The following KLHL32 variants were observed in gnomAD, a reference collection of about 807,000 sequenced individuals.
KLHL32 encodes kelch-like protein 32.
A neutral mutation model predicts 64.8 loss-of-function variants in KLHL32; 35 were observed. The observed-to-expected ratio is 0.54, with a 90% confidence interval of 0.41 to 0.72. The LOEUF (loss-of-function observed/expected upper bound fraction) is 0.72, where lower values mean the gene tolerates loss of function less well. Among genes scored for constraint, KLHL32 ranks in the 30% least tolerant of loss-of-function variants. The pLI is 0.00. For synonymous variants in KLHL32, 259 were observed against 281.0 expected, an observed-to-expected ratio of 0.92 and a Z score of 0.78; for missense variants, 589 against 768.5, an observed-to-expected ratio of 0.77 and a Z score of 2.76.
chr6:97,005,867 AT>A (rs1455721050), intron 3 of KLHL32, among the ~76,000 whole-genome samples: 1 of 151,368 alleles, frequency 6.6e-6, no homozygotes, highest in Non-Finnish European at 1.5e-5. Context: ...TCAGTTTTTT[AT>A]TTTTTTTAAT....
chr6:96,964,294 G>A (rs1774192082), intron 1 of KLHL32, among the ~76,000 whole-genome samples: 1 of 152,198 alleles, frequency 6.6e-6, no homozygotes, highest in Non-Finnish European at 1.5e-5. Flanking sequence ...GAGAAGAAGT[G>A]TCTGCCTGGA....
chr6:96,926,256 T>C (rs1300780955), intron 1 of KLHL32, among the ~76,000 whole-genome samples: 1 of 152,220 alleles, frequency 6.6e-6, no homozygotes, highest in African/African-American at 2.4e-5. Context: ...CCCAAGGAAA[T>C]AAGTCAAATT....
At chr6:97,002,188 G>A (rs1010716635) in intron 3 of KLHL32, among the ~76,000 whole-genome samples, 4 of 152,122 alleles carry the variant, frequency 2.6e-5, no homozygotes, top group Admixed American at 2.6e-4. Context: ...CAATGTTCCT[G>A]CTCAAAGACA....
chr6:97,018,470 G>GT (rs1781536297), intron 3 of KLHL32, among the ~76,000 whole-genome samples: 2 of 151,112 alleles, frequency 1.3e-5, no homozygotes, highest in African/African-American at 4.9e-5. Flanking sequence ...GCGCACTCCT[G>GT]TGATCCCAGC....
chr6:97,067,597 G>A (rs1471644543), intron 5 of KLHL32, among the ~76,000 whole-genome samples: 2 of 152,176 alleles, frequency 1.3e-5, no homozygotes, highest in East Asian at 3.9e-4. Flanking sequence ...TATATTGAGG[G>A]CCTATCCATG....
At chr6:97,026,769 ATTAGT>A (rs1164521465) in intron 3 of KLHL32, among the ~76,000 whole-genome samples, 1 of 152,244 alleles carries the variant, frequency 6.6e-6, no homozygotes, top group Non-Finnish European at 1.5e-5. Context: ...AAGAGCGATC[ATTAGT>A]TTACATTGAG....
intron 3 of KLHL32, among the ~76,000 whole-genome samples, chr6:96,980,289 G>A (rs1776162780): frequency 6.6e-6 from 1 of 152,124 alleles, no homozygotes. Context: ...TATGATGTTG[G>A]TGTGGGTTTG....
chr6:97,105,287 A>G (rs1404753790), intron 6 of KLHL32, among the ~76,000 whole-genome samples: 3 of 152,216 alleles, frequency 2.0e-5, no homozygotes, highest in African/African-American at 7.2e-5. Flanking sequence ...AGATTCGTCT[A>G]TGCATCATCA....
the KLHL32 span, among the ~76,000 whole-genome samples, chr6:96,910,785 A>G: frequency 1.3e-5 from 2 of 152,188 alleles, no homozygotes; most frequent in Non-Finnish European, 2.9e-5. Context: ...CCATGAAGCA[A>G]TTAGATTTGG....
chr6:96,924,688 C>G (rs1768913491), upstream of KLHL32: 2 of 152,152 alleles, frequency 1.3e-5, no homozygotes, highest in African/African-American at 4.8e-5. Flanking sequence ...GGGGCGGAGT[C>G]AGCGGGACGT....
At chr6:96,971,235 G>A (rs1207976102) in intron 2 of KLHL32, among the ~76,000 whole-genome samples, 6 of 152,142 alleles carry the variant, frequency 3.9e-5, no homozygotes, top group Non-Finnish European at 7.4e-5. Flanking sequence ...AATTTGAAAT[G>A]CAGATGTTTA....
chr6:96,965,640 G>A (rs1417377610), intron 1 of KLHL32, among the ~76,000 whole-genome samples: 1 of 152,158 alleles, frequency 6.6e-6, no homozygotes, highest in Non-Finnish European at 1.5e-5. Context: ...TGGAGTTTGT[G>A]TTAGGCTACA....
intron 10 of KLHL32, among the ~76,000 whole-genome samples, chr6:97,133,176 C>T (rs1039555837): frequency 6.6e-5 from 10 of 152,146 alleles, no homozygotes; most frequent in African/African-American, 1.2e-4. Flanking sequence ...TCTTCCTTCA[C>T]GGCAGAGGCT....
chr6:97,095,558 G>A (rs909400136), intron 6 of KLHL32, among the ~76,000 whole-genome samples: 8 of 152,216 alleles, frequency 5.3e-5, no homozygotes, highest in African/African-American at 9.6e-5. Context: ...TCCTGTTTTC[G>A]ACCCCATGTG....
chr6:97,134,215 A>T (rs1461366685), intron 10 of KLHL32, among the ~76,000 whole-genome samples: 1 of 152,198 alleles, frequency 6.6e-6, no homozygotes, highest in Non-Finnish European at 1.5e-5. Context: ...GATGATAAAG[A>T]TGAGAGAAAA....
chr6:97,134,221 G>A (rs1160619664), intron 10 of KLHL32, among the ~76,000 whole-genome samples: 1 of 152,006 alleles, frequency 6.6e-6, no homozygotes, highest in Non-Finnish European at 1.5e-5. Flanking sequence ...AAAGATGAGA[G>A]AAAATTAATA....
chr6:97,130,660 T>C, intron 8 of KLHL32, 97 bp from the exon 9 acceptor site: 1 of 847,754 alleles, frequency 1.2e-6, no homozygotes, highest in East Asian at 2.6e-5. Flanking sequence ...TATTGATTGA[T>C]AAACATTAGG....
intron 5 of KLHL32, among the ~76,000 whole-genome samples, chr6:97,073,595 A>G (rs1167570445): frequency 6.6e-6 from 1 of 152,162 alleles, no homozygotes; most frequent in African/African-American, 2.4e-5. Flanking sequence ...GCATGGTGGT[A>G]CTTAGAAACA....
intron 3 of KLHL32, among the ~76,000 whole-genome samples, chr6:96,987,232 T>C (rs910725695): frequency 2.0e-5 from 3 of 152,244 alleles, no homozygotes. Context: ...TGATCTTACT[T>C]ATTTCTTGCC....
Sources: allele counts gnomAD v4.1 joint callset (sites outside exome capture counted in the v4.1 genomes callset), GRCh38; gene constraint gnomAD v4.1.1; transcripts MANE v1.5; gene names NCBI Gene and HGNC (gene_info 2026-07-23, HGNC 2026-07-21).